PDE4B: variants seen among roughly 807,000 people sequenced by gnomAD.
PDE4B encodes phosphodiesterase 4B.
In PDE4B, 20 loss-of-function variants were observed where a neutral mutation model predicts 82.2. The observed-to-expected ratio is 0.24, with a 90% CI of 0.17 to 0.35. The LOEUF is 0.35. PDE4B is among the 10% of genes least tolerant of loss of function. PDE4B has a pLI of 1.00. For missense variants in PDE4B, 655 were observed against 907.2 expected (o/e 0.72, Z 3.57); for synonymous variants, 320 against 318.9 (o/e 1.00, Z -0.04).
In PDE4B at chr1:66,372,382, C is replaced by G; in HGVS notation, c.1915C>G (p.Gln639Glu). The G allele has an allele frequency of 6.2e-7, 1 of 1,614,082 alleles. No homozygotes were observed. Reference protein sequence around the residue: ...TWADLVQPDAQDILDTLEDNR... With the variant: ...TWADLVQPDAEDILDTLEDNR... Reference sequence around the variant, plus strand: ...GGCAGATTTGGTACAGCCTGATGCTCAGGACATTCTCGATACCTTAGAAGA... The same window carrying G: ...GGCAGATTTGGTACAGCCTGATGCTGAGGACATTCTCGATACCTTAGAAGA... Residue 639 changes from glutamine to glutamate, a missense_variant, in exon 17 of 17, where the codon CAG becomes GAG. Gln to Glu is a conservative substitution (Grantham distance 29, BLOSUM62 2). Around this residue, in one of 3 missense-constraint regions of PDE4B, gnomAD observed 283 missense variants for 516.4 expected, o/e 0.55. Coordinates refer to ENST00000341517, the MANE Select transcript of PDE4B (RefSeq NM_002600.4).
chr1:66,298,907 G>A (rs1004067266), intron 7 of PDE4B, among the ~76,000 whole-genome samples: 4 of 151,954 alleles, frequency 2.6e-5, no homozygotes, highest in African/African-American at 9.7e-5. Flanking sequence ...TCATTCTGTG[G>A]TACCTTTTTT....
intron 3 of PDE4B, among the ~76,000 whole-genome samples, chr1:66,227,998 CCCACTCTCA>C (rs1295936583): frequency 6.6e-6 from 1 of 152,058 alleles, no homozygotes; most frequent in East Asian, 1.9e-4. Flanking sequence ...TTCATGGTAC[CCCACTCTCA>C]TTTCCTGCTA....
intron 7 of PDE4B, among the ~76,000 whole-genome samples, chr1:66,317,202 T>C (rs1361375117): frequency 1.3e-5 from 2 of 152,210 alleles, no homozygotes; most frequent in Non-Finnish European, 2.9e-5. Flanking sequence ...CAAAAAGAGT[T>C]GCTTGGCTTT....
chr1:65,874,422 CT>C (rs1646613730), intron 1 of PDE4B, among the ~76,000 whole-genome samples: 1 of 152,130 alleles, frequency 6.6e-6, no homozygotes, highest in Admixed American at 6.6e-5. Context: ...TTTCTCCTGC[CT>C]AATTGCCCTG....
chr1:66,370,937 C>A (rs1156774003), intron 16 of PDE4B, among the ~76,000 whole-genome samples: 8 of 150,954 alleles, frequency 5.3e-5, no homozygotes, highest in Non-Finnish European at 1.2e-4. Context: ...TTTTTGTAAC[C>A]AGTATAGATC....
At chr1:65,878,031 A>T (rs549994761) in intron 1 of PDE4B, among the ~76,000 whole-genome samples, 1 of 151,952 alleles carries the variant, frequency 6.6e-6, no homozygotes. Flanking sequence ...AAATAAACAA[A>T]TTTACAAGAA....
chr1:66,233,561 G>T (rs1327274907), intron 3 of PDE4B, among the ~76,000 whole-genome samples: 1 of 152,144 alleles, frequency 6.6e-6, no homozygotes, highest in Non-Finnish European at 1.5e-5. Context: ...AAAATGTTGA[G>T]TAGAAGCGGA....
intron 3 of PDE4B, among the ~76,000 whole-genome samples, chr1:66,105,842 G>C (rs571654028): frequency 3.8e-4 from 58 of 151,960 alleles, no homozygotes; most frequent in African/African-American, 1.3e-3. Flanking sequence ...ATTTTGGGCT[G>C]AGACAATGGG....
rs185855187 is a variant in PDE4B, at chr1:66,196,193, G to C, written c.282-51267G>C. Among the ~76,000 whole-genome samples, 26 of 152,330 alleles carry C rather than the reference G, an allele frequency of 1.7e-4. No homozygotes were observed. In the East Asian group the frequency reaches 2.3e-3, roughly 14 times the overall value. On this transcript the variant is annotated intron_variant, in intron 3 of 16. Coordinates refer to ENST00000341517, the MANE Select transcript of PDE4B (RefSeq NM_002600.4). ...TTGACTAGCCTGCCAAGGGCAAATAGCATAGGAAGGAGTTCTGGAAGGGCA... is the reference window on the plus strand; with the variant it reads ...TTGACTAGCCTGCCAAGGGCAAATACCATAGGAAGGAGTTCTGGAAGGGCA...
intron 3 of PDE4B, among the ~76,000 whole-genome samples, chr1:66,160,616 TG>T (rs752543780): frequency 1.6e-4 from 24 of 152,174 alleles, no homozygotes; most frequent in Non-Finnish European, 2.1e-4. Context: ...CCAATCTATT[TG>T]TTTTTTTTTA....
intron 3 of PDE4B, among the ~76,000 whole-genome samples, chr1:65,979,856 G>C (rs1205280925): frequency 6.6e-6 from 1 of 152,190 alleles, no homozygotes; most frequent in Non-Finnish European, 1.5e-5. Flanking sequence ...TTTTATTCTA[G>C]TGGAGGTGTC....
At chr1:66,098,394 A>G (rs2101013235) in intron 3 of PDE4B, among the ~76,000 whole-genome samples, 1 of 152,246 alleles carries the variant, frequency 6.6e-6, no homozygotes, top group Admixed American at 6.5e-5. Context: ...ACGTTCATTG[A>G]ACTCACCCTG....
intron 3 of PDE4B, among the ~76,000 whole-genome samples, chr1:66,046,894 A>G (rs1421806532): frequency 2.6e-5 from 4 of 151,868 alleles, no homozygotes; most frequent in Non-Finnish European, 5.9e-5. Flanking sequence ...AAGAACCAAA[A>G]TCTTGAAATC....
chr1:66,292,005 G>A (rs1325667270), intron 7 of PDE4B, among the ~76,000 whole-genome samples: 11 of 152,072 alleles, frequency 7.2e-5, no homozygotes, highest in Non-Finnish European at 1.3e-4. Context: ...CATAATTAGA[G>A]CCAAATGGTA....
At chr1:65,983,665 A>G (rs529654029) in intron 3 of PDE4B, among the ~76,000 whole-genome samples, 15 of 152,282 alleles carry the variant, frequency 9.9e-5, no homozygotes, top group Middle Eastern at 3.4e-3. Context: ...GGCCTGCAAC[A>G]TATTCTTCCC....
intron 3 of PDE4B, among the ~76,000 whole-genome samples, chr1:66,014,755 G>C (rs1376495797): frequency 6.6e-6 from 1 of 152,132 alleles, no homozygotes; most frequent in African/African-American, 2.4e-5. Flanking sequence ...GTCACATCTT[G>C]GGGTGGGAGT....
intron 3 of PDE4B, among the ~76,000 whole-genome samples, chr1:66,035,512 A>G (rs1654014841): frequency 3.9e-5 from 6 of 151,986 alleles, no homozygotes; most frequent in Admixed American, 3.3e-4. Flanking sequence ...TCTGGTAACC[A>G]CCATTCTCCT....
At chr1:66,303,753 G>A (rs1297034573) in intron 7 of PDE4B, among the ~76,000 whole-genome samples, 1 of 152,100 alleles carries the variant, frequency 6.6e-6, no homozygotes, top group Non-Finnish European at 1.5e-5. Flanking sequence ...TATCCTTATG[G>A]GAAAACAGGT....
Position 66,223,917 on chromosome 1 carries a change from T to G in PDE4B, c.282-23543T>G, listed in dbSNP as rs150430453. Among the ~76,000 whole-genome samples, 184 of 152,300 alleles carry G rather than the reference T, an allele frequency of 1.2e-3. 1 individual carries two copies. The highest frequency in any genetic ancestry group is 3.8e-3 in the African/African-American group (156 of 41,552). On this transcript the variant is annotated intron_variant, in intron 3 of 16. Transcript: ENST00000341517. ...ACTCACTCTTTGTCTCCGTGACAAA[T>G]GGTGGCATCATTTGTGATAACTTCT...
Sources: gnomAD v4.1 joint callset for allele counts (sites outside exome capture counted in the v4.1 genomes callset) on GRCh38, gnomAD v4.1.1 for gene constraint, gnomAD v4.1.1 regional missense constraint, MANE v1.5 for transcripts, NCBI Gene and HGNC (gene_info 2026-07-23, HGNC 2026-07-21) for gene names.